Variants in SSR3 observed in about 807,000 individuals in gnomAD.
The protein encoded by SSR3 is translocon-associated protein subunit gamma.
In SSR3, 10 loss-of-function variants were observed where a neutral mutation model predicts 22.1. That is an observed-to-expected ratio of 0.45 (90% CI 0.28 to 0.77). The LOEUF is 0.77. Ranked by LOEUF, SSR3 falls within the 30% of genes least tolerant of loss-of-function variation. The probability of loss-of-function intolerance (pLI) is 0.13; values close to 1 mark genes in which losing one functional copy is unlikely to be tolerated. For missense variants in SSR3, 181 were observed against 220.5 expected, an observed-to-expected ratio of 0.82 and a Z score of 1.13; for synonymous variants, 104 against 82.5, an observed-to-expected ratio of 1.26 and a Z score of -1.42.
intron 2 of SSR3, among the ~76,000 whole-genome samples, chr3:156,553,232 T>C (rs1452787212): frequency 6.6e-6 from 1 of 151,932 alleles, no homozygotes; most frequent in Non-Finnish European, 1.5e-5. Flanking sequence ...CACTGCAGAC[T>C]GGGCAAGAAC....
intron 2 of SSR3, among the ~76,000 whole-genome samples, chr3:156,549,774 C>T (rs150975291): frequency 0.011 from 1,704 of 152,018 alleles, 13 homozygotes; most frequent in Non-Finnish European, 0.014. Context: ...CCTTGTTACC[C>T]CACACAAATT....
At position 156,542,910 on chromosome 3, in the gene SSR3, G is replaced by C. The variant is rs1328247395; in HGVS notation, c.*293C>G. ...CTCGGCCCAGGTTACTGTGACCTCTGACAGATCAAGGAAACAAGTTATTTT... is the reference window on the plus strand; with the variant it reads ...CTCGGCCCAGGTTACTGTGACCTCTCACAGATCAAGGAAACAAGTTATTTT... On this transcript the variant is annotated 3_prime_UTR_variant, in exon 5 of 5. Transcript: ENST00000265044. 3.0e-6 allele frequency: 1 copy of C among 334,074 alleles called. No homozygotes were observed. The allele number at this position is 334,074 out of a possible 1,614,324, so 20.7% of individuals were successfully genotyped here. A position where few individuals can be genotyped will look rare whatever the true frequency, so the allele number is the denominator to read the frequency against.
At chr3:156,548,185 A>C (rs1362928463) in intron 3 of SSR3, among the ~76,000 whole-genome samples, 1 of 152,200 alleles carries the variant, frequency 6.6e-6, no homozygotes, top group Non-Finnish European at 1.5e-5. Flanking sequence ...ATTCTTCAGC[A>C]CAAGTTTACT....
chr3:156,543,767 G>A (rs1719655794), intron 4 of SSR3, among the ~76,000 whole-genome samples: 1 of 152,160 alleles, frequency 6.6e-6, no homozygotes, highest in Non-Finnish European at 1.5e-5. Context: ...ACACGTTGGA[G>A]GGTATCTGAT....
intron 1 of SSR3, 182 bp from the exon 2 acceptor site, chr3:156,553,963 T>G (rs1720059384): frequency 2.0e-6 from 1 of 490,504 alleles, no homozygotes. Flanking sequence ...GTCTCAAGCT[T>G]TCCAGTTCAG....
intron 3 of SSR3, among the ~76,000 whole-genome samples, chr3:156,545,578 AG>A (rs1719730502): frequency 2.6e-5 from 4 of 152,306 alleles, no homozygotes; most frequent in African/African-American, 9.6e-5. Context: ...AAAGAAAACA[AG>A]TTTTGCCGGA....
rs564540948 is a variant in SSR3, at chr3:156,548,055, T to C, written c.359+850A>G. ...ATTATATGCACTTTAACAATGGAAG[T>C]TCACACAAAGTTCTGGAGCAAAGTG... On this transcript the variant is annotated intron_variant, in intron 3 of 4. Transcript: ENST00000265044. 7.9e-4 allele frequency among the ~76,000 whole-genome samples: 120 copies of C among 152,330 alleles called. 1 individual carries two copies. The highest frequency in any genetic ancestry group is 2.8e-3 in the African/African-American group (117 of 41,572).
chr3:156,544,999 A>G (rs1719710833), intron 3 of SSR3, among the ~76,000 whole-genome samples: 1 of 152,214 alleles, frequency 6.6e-6, no homozygotes, highest in Admixed American at 6.5e-5. Flanking sequence ...TGCCTGTAAA[A>G]TCCTTCTACT....
chr3:156,549,856 A>G (rs1719888406), intron 2 of SSR3, among the ~76,000 whole-genome samples: 1 of 152,238 alleles, frequency 6.6e-6, no homozygotes, highest in South Asian at 2.1e-4. Context: ...GAGGAAATCA[A>G]TTCTGAAACC....
At chr3:156,543,909 T>G (rs1319753829) in intron 4 of SSR3, 1 of 195,734 alleles carries the variant, frequency 5.1e-6, no homozygotes, top group Non-Finnish European at 1.0e-5. Context: ...GAAACACTAT[T>G]AAGATACACT....
Position 156,542,748 on chromosome 3 carries a change from A to C in SSR3, c.*455T>G, listed in dbSNP as rs1045843766. On this transcript the variant is annotated 3_prime_UTR_variant, in exon 5 of 5. Transcript: ENST00000265044. The stretch of plus-strand genomic sequence containing the variant: ...ATCACAAATTCAAACACTTGTAAAC[A>C]TTAAGCTTCTGTTCAATCCCCTGGG... 6.4e-6 allele frequency: 1 copy of C among 156,046 alleles called. No homozygotes were observed. The highest frequency in any genetic ancestry group is 2.4e-5 in the African/African-American group (1 of 41,606). 9.7% of individuals were successfully genotyped at this position (156,046 alleles called of 1,614,324 possible).
Position 156,552,303 on chromosome 3 carries a change from C to CAA in SSR3, c.260+1350_260+1351dup, listed in dbSNP as rs1234560296. ...TGGGCAACAGAGTGAGAGTCTGTCTCAAAAAAAAAAAAAAAAGCCATGATG... is the reference window on the plus strand; with the variant it reads ...TGGGCAACAGAGTGAGAGTCTGTCTCAAAAAAAAAAAAAAAAAAGCCATGATG... On this transcript the variant is annotated intron_variant, in intron 2 of 4. Transcript: ENST00000265044. Among the ~76,000 whole-genome samples, 28 of 76,574 alleles carry CAA rather than the reference C, an allele frequency of 3.7e-4. 1 individual carries two copies. Among genetic ancestry groups the CAA allele is most frequent in the Admixed American group, 5.7e-4 (4 of 7,018 alleles). The allele number at this position is 76,574 out of a possible 152,430, so 50.2% of individuals were successfully genotyped here.
At chr3:156,553,997 C>T (rs1418690486) in intron 1 of SSR3, 1 of 402,494 alleles carries the variant, frequency 2.5e-6, no homozygotes, top group Non-Finnish European at 4.4e-6. Context: ...CATCACCTTC[C>T]TATTACTAGT....
Position 156,554,857 on chromosome 3 carries a change from G to A in SSR3, c.133+100C>T, listed in dbSNP as rs898355890. Reference sequence around the variant, plus strand: ...GAGCTGGAGAGATTGCCGACCCCCGGCCGGCACCCACGCCTTCCCTGCTCG... The same window carrying A: ...GAGCTGGAGAGATTGCCGACCCCCGACCGGCACCCACGCCTTCCCTGCTCG... On this transcript the variant is annotated intron_variant, in intron 1 of 4. Coordinates refer to ENST00000265044, the MANE Select transcript of SSR3 (RefSeq NM_007107.5). 81 of 1,474,990 alleles carry A rather than the reference G, an allele frequency of 5.5e-5. No individual in the cohort carries two copies. In the African/African-American group the frequency reaches 1.1e-3, roughly 20 times the overall value. 91.4% of individuals were successfully genotyped at this position (1,474,990 alleles called of 1,614,324 possible).
At chr3:156,548,806 TCA>T in intron 3 of SSR3, 97 bp downstream of exon 3, 1 of 1,487,618 alleles carries the variant, frequency 6.7e-7, no homozygotes, top group East Asian at 2.4e-5. Flanking sequence ...AAAATTTACC[TCA>T]GACAATTCCA....
In SSR3 at chr3:156,540,030, G is replaced by A. The variant is rs952645437; in HGVS notation, c.*3173C>T. 1 of 151,650 alleles carries A rather than the reference G, an allele frequency of 6.6e-6. No individual in the cohort carries two copies. Among genetic ancestry groups the A allele is most frequent in the Admixed American group, 6.6e-5 (1 of 15,232 alleles). The allele number at this position is 151,650 out of a possible 1,614,324, so 9.4% of individuals were successfully genotyped here. Reference sequence around the variant, plus strand: ...CAGCACATGTATCCCAGAACTTAAAGTAAAATAAAAAATAAAACAATTTGA... The same window carrying A: ...CAGCACATGTATCCCAGAACTTAAAATAAAATAAAAAATAAAACAATTTGA... On this transcript the variant is annotated 3_prime_UTR_variant, in exon 5 of 5. Transcript: ENST00000265044.
intron 2 of SSR3, among the ~76,000 whole-genome samples, chr3:156,553,235 G>A (rs1034219291): frequency 1.3e-5 from 2 of 151,610 alleles, no homozygotes; most frequent in Admixed American, 6.6e-5. Flanking sequence ...TGCAGACTGG[G>A]CAAGAACTAG....
At chr3:156,554,579 A>C (rs548473727) in intron 1 of SSR3, among the ~76,000 whole-genome samples, 27 of 152,202 alleles carry the variant, frequency 1.8e-4, no homozygotes, top group Non-Finnish European at 3.1e-4. Flanking sequence ...ATGCAAAATA[A>C]GTAATAAGTT....
chr3:156,549,166 A>G, intron 2 of SSR3, 163 bp from the exon 3 acceptor site: 1 of 612,918 alleles, frequency 1.6e-6, no homozygotes. Flanking sequence ...ATTACACTGC[A>G]CTAGCCAAAA....
Sources: gnomAD v4.1 joint callset for allele counts (sites outside exome capture counted in the v4.1 genomes callset) on GRCh38, gnomAD v4.1.1 for gene constraint, MANE v1.5 for transcripts, NCBI Gene and HGNC (gene_info 2026-07-23, HGNC 2026-07-21) for gene names.